Variants in TAFA4 observed in about 807,000 individuals in gnomAD.
The protein encoded by TAFA4 is chemokine-like protein TAFA-4.
Under a neutral mutation model 21.1 loss-of-function variants are expected in TAFA4, and 20 were observed. The observed-to-expected ratio is 0.95, with a 90% CI of 0.67 to 1.38. The LOEUF (loss-of-function observed/expected upper bound fraction) is 1.38. TAFA4 is among the 40% of genes most tolerant of loss of function. The pLI, the probability that TAFA4 is intolerant of heterozygous loss-of-function variation, is 0.00. For synonymous variants in TAFA4, 71 were observed against 67.4 expected (o/e 1.05, Z -0.26); for missense variants, 211 against 180.9 (o/e 1.17, Z -0.95).
chr3:68,905,150 C>CTTTTTTTT (rs145187037), intron 1 of TAFA4, among the ~76,000 whole-genome samples: 3 of 85,262 alleles, frequency 3.5e-5, no homozygotes, highest in African/African-American at 1.4e-4. Flanking sequence ...AGATTTCTGC[C>CTTTTTTTT]TTTTTTTTTT....
chr3:68,851,539 C>T (rs1422110834), intron 3 of TAFA4, among the ~76,000 whole-genome samples: 2 of 152,020 alleles, frequency 1.3e-5, no homozygotes, highest in Non-Finnish European at 1.5e-5. Flanking sequence ...AGCATGGTGA[C>T]CGTAGAAACT....
chr3:68,748,524 C>T (rs1702502494), intron 4 of TAFA4, among the ~76,000 whole-genome samples: 1 of 152,116 alleles, frequency 6.6e-6, no homozygotes, highest in Non-Finnish European at 1.5e-5. Context: ...GGGTGGATCA[C>T]GAAGTCAGGA....
At chr3:68,748,108 T>G (rs1163369743) in intron 4 of TAFA4, among the ~76,000 whole-genome samples, 4 of 152,250 alleles carry the variant, frequency 2.6e-5, no homozygotes, top group Non-Finnish European at 5.9e-5. Context: ...TTCTCTGAAC[T>G]AGTAAACTCT....
intron 3 of TAFA4, among the ~76,000 whole-genome samples, chr3:68,812,063 C>G (rs1703853882): frequency 6.6e-6 from 1 of 152,162 alleles, no homozygotes; most frequent in South Asian, 2.1e-4. Context: ...AATTTCATAT[C>G]CAGCCAAACT....
chr3:68,861,739 A>G (rs570160771), intron 3 of TAFA4, among the ~76,000 whole-genome samples: 2 of 152,066 alleles, frequency 1.3e-5, no homozygotes, highest in Non-Finnish European at 2.9e-5. Context: ...ACATTCACTT[A>G]CTTCTCACTC....
chr3:68,911,811 G>C (rs932390449), intron 1 of TAFA4, among the ~76,000 whole-genome samples: 1 of 152,202 alleles, frequency 6.6e-6, no homozygotes, highest in Admixed American at 6.5e-5. Flanking sequence ...TTGGGTGTGC[G>C]TCAGCCAGTG....
intron 4 of TAFA4, among the ~76,000 whole-genome samples, chr3:68,749,443 A>G (rs1318922649): frequency 6.6e-6 from 1 of 152,232 alleles, no homozygotes; most frequent in Admixed American, 6.5e-5. Context: ...TAAGAGGAAC[A>G]TATCAGCAGA....
At chr3:68,917,710 C>T (rs528073031) in intron 1 of TAFA4, among the ~76,000 whole-genome samples, 3 of 142,900 alleles carry the variant, frequency 2.1e-5, no homozygotes, top group East Asian at 4.2e-4. Context: ...GCTGAGATCG[C>T]GCCACTGCAC....
intron 1 of TAFA4, among the ~76,000 whole-genome samples, chr3:68,899,956 T>G (rs543003777): frequency 2.0e-5 from 3 of 151,914 alleles, no homozygotes; most frequent in Admixed American, 6.6e-5. Flanking sequence ...ATTAAAATAA[T>G]AGGCCTGGCA....
At position 68,753,019 on chromosome 3, in the gene TAFA4, C is replaced by CT; in HGVS notation, c.131-2dup. The CT allele has an allele frequency of 6.2e-7, 1 of 1,611,956 alleles. No homozygotes were observed. The highest frequency in any genetic ancestry group is 8.5e-7 in the Non-Finnish European group (1 of 1,178,638). On this transcript the variant is annotated splice_acceptor_variant, in intron 3 of 5. Coordinates refer to ENST00000295569, the MANE Select transcript of TAFA4 (RefSeq NM_182522.5). LOFTEE classifies it high-confidence loss of function. ...GTCCCTTGCTTGATTTGGTGGTGAC[C>CT]TAGTTGGTAATGGGGGAGAAAAACA...
At chr3:68,873,017 C>G (rs1237236744) in intron 3 of TAFA4, among the ~76,000 whole-genome samples, 1 of 152,026 alleles carries the variant, frequency 6.6e-6, no homozygotes, top group African/African-American at 2.4e-5. Flanking sequence ...TTTTCATAGA[C>G]AGCATGGGTA....
intron 3 of TAFA4, among the ~76,000 whole-genome samples, chr3:68,774,527 C>T (rs1421769366): frequency 6.6e-6 from 1 of 152,156 alleles, no homozygotes; most frequent in Non-Finnish European, 1.5e-5. Context: ...GTTGAGCATT[C>T]CACCTGAATC....
chr3:68,829,108 A>G (rs1400025494), intron 3 of TAFA4, among the ~76,000 whole-genome samples: 1 of 152,226 alleles, frequency 6.6e-6, no homozygotes, highest in African/African-American at 2.4e-5. Flanking sequence ...CTAAGCAAAA[A>G]GAACAAAGCT....
In TAFA4 at chr3:68,864,044, G is replaced by C. The variant is rs561795548; in HGVS notation, c.130+16686C>G. ...AACAACCTGTGTGATCTCGGATTGG[G>C]ACAAATATTTCTAAGACACCGAAAG... On this transcript the variant is annotated intron_variant, in intron 3 of 5. Transcript: ENST00000295569. 2.8e-4 allele frequency among the ~76,000 whole-genome samples: 43 copies of C among 151,714 alleles called. No homozygotes were observed. In the South Asian group the frequency reaches 8.8e-3, roughly 31 times the overall value.
chr3:68,757,925 ATTTT>A (rs908364376), intron 3 of TAFA4, among the ~76,000 whole-genome samples: 10 of 150,070 alleles, frequency 6.7e-5, no homozygotes, highest in African/African-American at 2.4e-4. Context: ...TACTGTTTGA[ATTTT>A]TTTTTTGTTA....
intron 3 of TAFA4, among the ~76,000 whole-genome samples, chr3:68,773,394 C>T (rs899735412): frequency 1.6e-4 from 24 of 152,202 alleles, no homozygotes; most frequent in African/African-American, 5.3e-4. Flanking sequence ...CCTGAAACAT[C>T]AATGTGTTCA....
intron 3 of TAFA4, among the ~76,000 whole-genome samples, chr3:68,781,023 C>G (rs1575605812): frequency 2.6e-5 from 4 of 151,510 alleles, no homozygotes; most frequent in East Asian, 2.0e-4. Context: ...GAAAAGTAAA[C>G]AATACATTCC....
intron 3 of TAFA4, among the ~76,000 whole-genome samples, chr3:68,812,909 G>T (rs1703874251): frequency 6.6e-6 from 1 of 152,066 alleles, no homozygotes; most frequent in Non-Finnish European, 1.5e-5. Flanking sequence ...TTCCAAAATT[G>T]ACCACATACT....
chr3:68,883,338 G>A (rs2089638053), intron 2 of TAFA4, among the ~76,000 whole-genome samples: 1 of 152,196 alleles, frequency 6.6e-6, no homozygotes. Context: ...GCTCCTTCAT[G>A]GTTTGAATCT....
Sources: allele counts gnomAD v4.1 joint callset (sites outside exome capture counted in the v4.1 genomes callset), GRCh38; gene constraint gnomAD v4.1.1; transcripts MANE v1.5; gene names NCBI Gene and HGNC (gene_info 2026-07-23, HGNC 2026-07-21).